Variants in RPA3 observed in about 807,000 individuals in gnomAD.
The protein encoded by RPA3 is replication protein A 14 kDa subunit.
Under a neutral mutation model 13.7 loss-of-function variants are expected in RPA3, and 24 were observed. That is an observed-to-expected ratio of 1.75 (90% confidence interval 1.27 to 2.46). RPA3 has a LOEUF of 2.46. RPA3 is among the 30% of genes most tolerant of loss of function. The pLI is 0.00. For missense variants in RPA3, 183 were observed against 151.0 expected, an observed-to-expected ratio of 1.21 and a Z score of -1.11; for synonymous variants, 59 against 51.2, an observed-to-expected ratio of 1.15 and a Z score of -0.65.
intron 2 of RPA3, among the ~76,000 whole-genome samples, chr7:7,698,020 T>C (rs908031045): frequency 5.3e-5 from 8 of 152,302 alleles, no homozygotes; most frequent in Admixed American, 4.6e-4. Context: ...TGTTAGAATG[T>C]GCATTTCTTT....
At chr7:7,664,165 G>C (rs1265068487) in intron 4 of RPA3, among the ~76,000 whole-genome samples, 1 of 152,132 alleles carries the variant, frequency 6.6e-6, no homozygotes, top group Non-Finnish European at 1.5e-5. Context: ...GATTGAAATG[G>C]AATTTACTAT....
intron 2 of RPA3, among the ~76,000 whole-genome samples, chr7:7,701,443 C>T (rs894418334): frequency 1.3e-5 from 2 of 152,192 alleles, no homozygotes; most frequent in Non-Finnish European, 2.9e-5. Flanking sequence ...CTGTCCTGCT[C>T]AACTTCATTT....
intron 6 of RPA3, 35 bp downstream of exon 6, chr7:7,639,035 T>C (rs761589387): frequency 1.4e-6 from 2 of 1,465,586 alleles, no homozygotes; most frequent in South Asian, 1.3e-5. Flanking sequence ...GAATTAACTA[T>C]AATATATAAG....
chr7:7,701,398 G>A (rs1331837227), intron 2 of RPA3, among the ~76,000 whole-genome samples: 1 of 152,086 alleles, frequency 6.6e-6, no homozygotes, highest in East Asian at 1.9e-4. Flanking sequence ...CAATCTATGT[G>A]ACATTTTATA....
intron 2 of RPA3, among the ~76,000 whole-genome samples, chr7:7,689,876 A>G (rs1246008834): frequency 6.6e-6 from 1 of 152,202 alleles, no homozygotes; most frequent in East Asian, 1.9e-4. Context: ...CAAAGCAGCT[A>G]GTGATTAACA....
intron 2 of RPA3, among the ~76,000 whole-genome samples, chr7:7,693,325 A>ATCTATCTG (rs1403561189): frequency 2.0e-5 from 3 of 151,932 alleles, no homozygotes; most frequent in Non-Finnish European, 4.4e-5. Context: ...CTATCTATCT[A>ATCTATCTG]TCTATCTATC....
intron 2 of RPA3, among the ~76,000 whole-genome samples, chr7:7,692,952 T>C (rs946890788): frequency 9.2e-5 from 14 of 152,180 alleles, no homozygotes; most frequent in Non-Finnish European, 1.5e-4. Flanking sequence ...ACCTTTTTGT[T>C]ATGTATATTT....
Position 7,639,135 on chromosome 7 carries a change from T to G in RPA3, c.109A>C (p.Thr37Pro). Residue 37 changes from threonine (T) to proline (P), a missense_variant, in exon 6 of 8, where the codon ACC (threonine) becomes CCC (proline). Coordinates refer to ENST00000223129, the MANE Select transcript of RPA3 (RefSeq NM_002947.5). Reference protein sequence around the residue: ...FVGRLEKIHPTGKMFILSDGE... With the variant: ...FVGRLEKIHPPGKMFILSDGE... ...TCTGAAAGAATAAACATTTTTCCGGTGGGATGAATCTAAAAACGAAACATA... is the reference window on the plus strand; with the variant it reads ...TCTGAAAGAATAAACATTTTTCCGGGGGGATGAATCTAAAAACGAAACATA... The G allele has an allele frequency of 1.2e-6, 2 of 1,609,732 alleles. No individual in the cohort carries two copies. The highest frequency in any genetic ancestry group is 1.7e-6 in the Non-Finnish European group (2 of 1,178,578).
In RPA3 at chr7:7,637,933, T is replaced by C; in HGVS notation, c.214A>G (p.Arg72Gly). Residue 72 changes from arginine to glycine, a missense_variant, in exon 7 of 8, where the codon AGA (arginine) becomes GGA (glycine). Arg to Gly is a moderately radical substitution (Grantham distance 125). Coordinates refer to ENST00000223129, the MANE Select transcript of RPA3 (RefSeq NM_002947.5). The stretch of plus-strand genomic sequence containing the variant: ...AAGATGGTGGCCTTGGCGGTTACTC[T>C]TCCAACCACTTCCACAATTCCAGAG... ...EISGIVEVVG[R>G]VTAKATILCT... 3.1e-6 allele frequency: 5 copies of C among 1,613,672 alleles called. No homozygotes were observed. Among genetic ancestry groups the C allele is most frequent in the Non-Finnish European group, 4.2e-6 (5 of 1,179,750 alleles).
intron 4 of RPA3, among the ~76,000 whole-genome samples, chr7:7,653,804 T>G (rs992090140): frequency 6.6e-6 from 1 of 152,202 alleles, no homozygotes; most frequent in African/African-American, 2.4e-5. Context: ...CATTTTGCAA[T>G]GTCTGCAGGC....
At chr7:7,705,695 C>G (rs1261327197) in intron 2 of RPA3, among the ~76,000 whole-genome samples, 2 of 151,996 alleles carry the variant, frequency 1.3e-5, no homozygotes, top group Non-Finnish European at 2.9e-5. Context: ...TGAAACTACT[C>G]TTATGTTAAT....
At chr7:7,663,122 C>T (rs1563097191) in intron 4 of RPA3, among the ~76,000 whole-genome samples, 1 of 151,318 alleles carries the variant, frequency 6.6e-6, no homozygotes, top group East Asian at 1.9e-4. Context: ...ATAATGCTCT[C>T]AATCTTTTTG....
At chr7:7,718,331 G>T (rs1780969347) in intron 1 of RPA3, among the ~76,000 whole-genome samples, 184 bp downstream of exon 1, 1 of 152,148 alleles carries the variant, frequency 6.6e-6, no homozygotes, top group Non-Finnish European at 1.5e-5. Flanking sequence ...GATACTGTAT[G>T]CATAGTGAGG....
chr7:7,661,923 G>A lies in RPA3; in HGVS notation c.-757-20748C>T, dbSNP rs374684771. On this transcript the variant is annotated intron_variant, in intron 4 of 7. Transcript: ENST00000223129. Reference sequence around the variant, plus strand: ...TGCACCCACAGCTGCCCCTTCCCCCGAGGTGCTCTGTCCCTGGGAGATGGG... The same window carrying A: ...TGCACCCACAGCTGCCCCTTCCCCCAAGGTGCTCTGTCCCTGGGAGATGGG... 1.6e-4 allele frequency among the ~76,000 whole-genome samples: 25 copies of A among 152,194 alleles called. No individual in the cohort carries two copies. In the East Asian group the frequency reaches 3.9e-3, roughly 24 times the overall value.
At chr7:7,702,480 C>T (rs900218110) in intron 2 of RPA3, among the ~76,000 whole-genome samples, 1 of 152,136 alleles carries the variant, frequency 6.6e-6, no homozygotes, top group Non-Finnish European at 1.5e-5. Context: ...CAAGTACACT[C>T]CAATAGCTTT....
intron 4 of RPA3, among the ~76,000 whole-genome samples, chr7:7,676,432 C>T (rs978198040): frequency 2.0e-5 from 3 of 152,172 alleles, no homozygotes; most frequent in African/African-American, 7.2e-5. Flanking sequence ...TTAGCCCAGG[C>T]AATCTGACTT....
chr7:7,674,062 G>A (rs1192997670), intron 4 of RPA3, among the ~76,000 whole-genome samples: 1 of 152,090 alleles, frequency 6.6e-6, no homozygotes, highest in Non-Finnish European at 1.5e-5. Context: ...GAAAAGTTTT[G>A]CACAACATCT....
chr7:7,650,712 A>C (rs755743540), intron 4 of RPA3, among the ~76,000 whole-genome samples: 3 of 152,264 alleles, frequency 2.0e-5, no homozygotes, highest in Non-Finnish European at 2.9e-5. Flanking sequence ...TTGATTTACT[A>C]ATCCAGCCAT....
intron 2 of RPA3, among the ~76,000 whole-genome samples, chr7:7,694,734 T>G (rs1234271090): frequency 6.6e-6 from 1 of 152,240 alleles, no homozygotes; most frequent in East Asian, 1.9e-4. Flanking sequence ...TCTTTATGGC[T>G]GAATAGTACT....
Sources: allele counts gnomAD v4.1 joint callset (sites outside exome capture counted in the v4.1 genomes callset), GRCh38; gene constraint gnomAD v4.1.1; transcripts MANE v1.5; gene names NCBI Gene and HGNC (gene_info 2026-07-23, HGNC 2026-07-21).